Variants in CHRNA5 observed in about 807,000 individuals in gnomAD.
CHRNA5 encodes neuronal acetylcholine receptor subunit alpha-5.
Under a neutral mutation model 41.2 loss-of-function variants are expected in CHRNA5, and 28 were observed. The observed-to-expected ratio is 0.68, with a 90% CI of 0.50 to 0.93. The LOEUF (loss-of-function observed/expected upper bound fraction) is 0.93, where lower values mean the gene tolerates loss of function less well. Among genes scored for constraint, CHRNA5 ranks in the 40% least tolerant of loss-of-function variants. The probability of loss-of-function intolerance (pLI) is 0.00; values close to 1 mark genes in which losing one functional copy is unlikely to be tolerated. For synonymous variants in CHRNA5, 188 were observed against 205.8 expected (o/e 0.91, Z 0.74); for missense variants, 481 against 581.9 (o/e 0.83, Z 1.78).
Position 78,575,750 on chromosome 15 carries a change from G to A in CHRNA5, c.107-5061G>A, listed in dbSNP as rs139210273. ...TCCTTACAATGACCTCATAAGGGAG[G>A]TACTTTTTTAATACCTGTGTCACAG... On this transcript the variant is annotated intron_variant, in intron 1 of 5. Coordinates refer to ENST00000299565, the Ensembl canonical transcript of CHRNA5. 9.2e-5 allele frequency among the ~76,000 whole-genome samples: 14 copies of A among 152,288 alleles called. 1 individual carries two copies. The East Asian group carries it at 2.7e-3, about 29-fold the overall frequency.
chr15:78,576,609 C>G (rs2052859328), intron 1 of CHRNA5, among the ~76,000 whole-genome samples: 1 of 143,960 alleles, frequency 6.9e-6, no homozygotes, highest in Non-Finnish European at 1.5e-5. Context: ...AAAAGAGACC[C>G]TGTCTCTACA....
intron 3 of CHRNA5, among the ~76,000 whole-genome samples, chr15:78,587,143 T>C (rs2052968024): frequency 6.6e-6 from 1 of 152,164 alleles, no homozygotes; most frequent in South Asian, 2.1e-4. Context: ...TCAGGGGAAC[T>C]GCCCTTTATA....
At chr15:78,571,076 A>G (rs563678923) in intron 1 of CHRNA5, among the ~76,000 whole-genome samples, 1 of 152,346 alleles carries the variant, frequency 6.6e-6, no homozygotes, top group East Asian at 1.9e-4. Context: ...ATGCTGATCC[A>G]GTAGGTCAGA....
chr15:78,566,052 G>C lies in CHRNA5; in HGVS notation c.106+227G>C, dbSNP rs1218291765. Among the ~76,000 whole-genome samples, 3 of 152,138 alleles carry C rather than the reference G, an allele frequency of 2.0e-5. No homozygotes were observed. In the East Asian group the frequency reaches 5.8e-4, roughly 29 times the overall value. The stretch of plus-strand genomic sequence containing the variant: ...GGTTTTCTTTGTTGTTCCACGACCT[G>C]CATCGCTGGAGACTACGAGGCTGGC... On this transcript the variant is annotated intron_variant, in intron 1 of 5. Coordinates refer to ENST00000299565, the Ensembl canonical transcript of CHRNA5.
chr15:78,582,951 A>G (rs1392082021), intron 2 of CHRNA5, among the ~76,000 whole-genome samples: 1 of 152,168 alleles, frequency 6.6e-6, no homozygotes, highest in Non-Finnish European at 1.5e-5. Flanking sequence ...GCCATTTATT[A>G]TTCAAGGCCA....
chr15:78,590,384 C>T lies in CHRNA5; in HGVS notation c.993C>T (p.Thr331=), dbSNP rs61740655. ...TTGTGACACTGTCAATTATGGTAAC[C>T]GTCTTCGCTATCAACATTCATCATC... The change falls in exon 5 of 6, where the codon ACC becomes ACT. Residue 331 remains threonine (T), a synonymous_variant. Transcript: ENST00000299565. 2.3e-3 allele frequency: 3,667 copies of T among 1,614,090 alleles called. 60 individuals carry two copies. In the African/African-American group the frequency reaches 0.039, roughly 17 times the overall value.
chr15:78,567,064 AAC>A (rs1340073089), intron 1 of CHRNA5, among the ~76,000 whole-genome samples: 1 of 151,952 alleles, frequency 6.6e-6, no homozygotes, highest in African/African-American at 2.4e-5. Context: ...CATCCTGGCT[AAC>A]ACAGTGAAAC....
intron 1 of CHRNA5, among the ~76,000 whole-genome samples, chr15:78,569,874 G>A (rs2052785246): frequency 6.6e-6 from 1 of 151,758 alleles, no homozygotes; most frequent in East Asian, 1.9e-4. Context: ...AGGCTGGAGT[G>A]CAGTGGCATG....
chr15:78,579,489 G>T (rs1301594748), intron 1 of CHRNA5, among the ~76,000 whole-genome samples: 1 of 152,088 alleles, frequency 6.6e-6, no homozygotes, highest in Non-Finnish European at 1.5e-5. Context: ...CCTTACCTCA[G>T]GTAATCTGTC....
intron 1 of CHRNA5, among the ~76,000 whole-genome samples, chr15:78,574,443 GT>G (rs973742132): frequency 6.6e-6 from 1 of 151,126 alleles, no homozygotes; most frequent in African/African-American, 2.4e-5. Context: ...AGTGAAGAAG[GT>G]TTTTTTAAAA....
At chr15:78,582,306 C>A (rs561571099) in intron 2 of CHRNA5, among the ~76,000 whole-genome samples, 1 of 152,054 alleles carries the variant, frequency 6.6e-6, no homozygotes, top group Non-Finnish European at 1.5e-5. Flanking sequence ...GCCAATATAG[C>A]AAAACCTCAT....
intron 1 of CHRNA5, among the ~76,000 whole-genome samples, chr15:78,575,447 A>G (rs912165694): frequency 6.6e-6 from 1 of 151,854 alleles, no homozygotes; most frequent in Non-Finnish European, 1.5e-5. Flanking sequence ...TTTCTGAGAT[A>G]TGTGGTTTAT....
At chr15:78,590,376 A>G (rs769011950) in exon 5 of CHRNA5, 1 of 1,614,200 alleles carries the variant, frequency 6.2e-7, no homozygotes, top group East Asian at 2.2e-5. Context: ...ACTGTCAATT[A>G]TGGTAACCGT....
At chr15:78,590,450 C>T (rs1468212274) in exon 5 of CHRNA5, 2 of 1,614,056 alleles carry the variant, frequency 1.2e-6, no homozygotes, top group Admixed American at 3.3e-5. Context: ...CTTTGGTCCG[C>T]AAGATATTTC....
intron 1 of CHRNA5, among the ~76,000 whole-genome samples, chr15:78,576,731 C>A (rs2052860662): frequency 6.6e-6 from 1 of 151,052 alleles, no homozygotes; most frequent in Admixed American, 6.6e-5. Context: ...TCCAGGAGTT[C>A]CAGGCTGCAG....
exon 2 of CHRNA5, chr15:78,580,881 A>C: frequency 6.2e-7 from 1 of 1,613,928 alleles, no homozygotes; most frequent in East Asian, 2.2e-5. Flanking sequence ...AAGACTACGA[A>C]AGATGGGTTC....
chr15:78,570,232 CATG>C (rs1473636950), intron 1 of CHRNA5, among the ~76,000 whole-genome samples: 1 of 151,940 alleles, frequency 6.6e-6, no homozygotes, highest in East Asian at 1.9e-4. Flanking sequence ...TTTGAGGAAA[CATG>C]ATATTGTTTG....
In CHRNA5 at chr15:78,583,680, G is replaced by A. The variant is rs2052933487; in HGVS notation, c.258+2718G>A. Among the ~76,000 whole-genome samples, 3 of 151,232 alleles carry A rather than the reference G, an allele frequency of 2.0e-5. No homozygotes were observed. The South Asian group carries it at 6.3e-4, about 32-fold the overall frequency. ...ACTGCACTCCAGCCTGGGCGACAGA[G>A]CGAGACTCTGTCTCAAAAAAAAAAA... On this transcript the variant is annotated intron_variant, in intron 2 of 5. Coordinates refer to ENST00000299565, the Ensembl canonical transcript of CHRNA5.
intron 1 of CHRNA5, among the ~76,000 whole-genome samples, chr15:78,573,505 C>A (rs1596056899): frequency 1.3e-5 from 2 of 152,204 alleles, no homozygotes; most frequent in East Asian, 3.8e-4. Context: ...GCACAGTAAG[C>A]AGCTAGTTGG....
Sources: gnomAD v4.1 joint callset for allele counts (sites outside exome capture counted in the v4.1 genomes callset) on GRCh38, gnomAD v4.1.1 for gene constraint, MANE v1.5 for transcripts, NCBI Gene and HGNC (gene_info 2026-07-23, HGNC 2026-07-21) for gene names.